Variants in LYPD6 observed in about 807,000 individuals in gnomAD.
LYPD6 encodes LY6/PLAUR domain containing 6.
LYPD6 carries 15 observed loss-of-function variants against 22.7 expected under a neutral mutation model. The ratio of observed to expected loss-of-function variants is 0.66; its 90% CI spans 0.44 to 1.02. The LOEUF is 1.02. Among genes scored for constraint, LYPD6 ranks in the 50% least tolerant of loss-of-function variants. LYPD6 has a pLI of 0.00. For missense variants in LYPD6, 189 were observed against 208.4 expected (o/e 0.91, Z 0.57); for synonymous variants, 72 against 77.5 (o/e 0.93, Z 0.37).
chr2:149,442,151 A>T (rs974028639), intron 2 of LYPD6, among the ~76,000 whole-genome samples: 1 of 152,234 alleles, frequency 6.6e-6, no homozygotes, highest in Non-Finnish European at 1.5e-5. Flanking sequence ...TAGAATTTTT[A>T]TATATGCATC....
intron 1 of LYPD6, among the ~76,000 whole-genome samples, chr2:149,357,468 C>A (rs1471621739): frequency 6.6e-6 from 1 of 152,080 alleles, no homozygotes; most frequent in Non-Finnish European, 1.5e-5. Flanking sequence ...GATCATATTC[C>A]CTGAGAGCTG....
intron 1 of LYPD6, among the ~76,000 whole-genome samples, chr2:149,413,473 C>T (rs1316101590): frequency 6.6e-6 from 1 of 152,222 alleles, no homozygotes; most frequent in Non-Finnish European, 1.5e-5. Flanking sequence ...ACTTACCACA[C>T]TACAGTTTAT....
intron 1 of LYPD6, among the ~76,000 whole-genome samples, chr2:149,427,951 A>G (rs76763010): frequency 0.013 from 1,922 of 152,368 alleles, 9 homozygotes; most frequent in Middle Eastern, 0.02. Flanking sequence ...GCTTTTCCCT[A>G]TAACTCTAGC....
chr2:149,384,397 T>C (rs560935164), intron 1 of LYPD6, among the ~76,000 whole-genome samples: 1 of 152,270 alleles, frequency 6.6e-6, no homozygotes, highest in South Asian at 2.1e-4. Context: ...TCTGTGTTTG[T>C]TGGTTGTGGG....
rs867845533 is a variant in LYPD6 at position 149,403,319 on chromosome 2, A to G, written c.-71-34319A>G. Among the ~76,000 whole-genome samples the G allele has an allele frequency of 4.9e-3, 737 of 150,512 alleles. 6 individuals carry two copies. Among genetic ancestry groups the G allele is most frequent in the African/African-American group, 0.017 (685 of 40,932 alleles). The stretch of plus-strand genomic sequence containing the variant: ...AGGAATCGCCACACTGACTTCCACA[A>G]TGGTTGAACTAGTTTACAGTCCCAC... On this transcript the variant is annotated intron_variant, in intron 1 of 4. Transcript: ENST00000334166.
intron 2 of LYPD6, chr2:149,440,055 A>G (rs1683525544): frequency 6.5e-6 from 1 of 152,836 alleles, no homozygotes; most frequent in Non-Finnish European, 1.5e-5. Context: ...CTTTACAAAA[A>G]TAATGTCTAC....
chr2:149,371,913 A>T (rs1261854089), intron 1 of LYPD6, among the ~76,000 whole-genome samples: 6 of 152,220 alleles, frequency 3.9e-5, no homozygotes, highest in African/African-American at 1.4e-4. Context: ...TGGACCATCG[A>T]GGGAGCAAAA....
chr2:149,420,668 G>A (rs772619451), intron 1 of LYPD6, among the ~76,000 whole-genome samples: 5 of 152,130 alleles, frequency 3.3e-5, no homozygotes, highest in African/African-American at 4.8e-5. Flanking sequence ...CAGGAAAGAT[G>A]CCATGGTAGT....
intron 1 of LYPD6, among the ~76,000 whole-genome samples, chr2:149,334,756 AT>A (rs34573058): frequency 0.15 from 22,190 of 143,304 alleles, 1,684 homozygotes; most frequent in Non-Finnish European, 0.18. Context: ...GCAAGTAACG[AT>A]TTTTTTTTTT....
At chr2:149,483,709 A>G in the LYPD6 span, among the ~76,000 whole-genome samples, 1 of 152,240 alleles carries the variant, frequency 6.6e-6, no homozygotes, top group African/African-American at 2.4e-5. Flanking sequence ...ATCATTCACA[A>G]TGTAAGCATA....
rs1354223787 is a variant in LYPD6, at chr2:149,384,981, C to T, written c.-71-52657C>T. 4.0e-5 allele frequency among the ~76,000 whole-genome samples: 6 copies of T among 148,204 alleles called. 1 individual carries two copies. Among genetic ancestry groups the T allele is most frequent in the Non-Finnish European group, 7.4e-5 (5 of 67,536 alleles). On this transcript the variant is annotated intron_variant, in intron 1 of 4. Transcript: ENST00000334166. ...ACCTGTGAGTGAGAACATGTGGTGT[C>T]TGGTTTTTTGTCCTTGCGATAGTTT...
At position 149,437,798 on chromosome 2, in the gene LYPD6, G is replaced by A. The variant is rs115923750; in HGVS notation, c.90G>A (p.Val30=). The change falls in exon 2 of 5, where the codon GTG becomes GTA. Residue 30 remains valine (V), a synonymous_variant. Coordinates refer to ENST00000334166, the MANE Select transcript of LYPD6 (RefSeq NM_194317.5). ...CTGCTCAGTCCCGAGACTTCACAGT[G>A]AAAGACATTATCTACCTCCATCCTT... ...LKAAQSRDFT[V]KDIIYLHPST... 1.8e-3 allele frequency: 2,836 copies of A among 1,614,132 alleles called. 51 individuals carry two copies. In the African/African-American group the frequency reaches 0.033, roughly 19 times the overall value.
Position 149,449,359 on chromosome 2 carries a change from A to G in LYPD6, c.217+212A>G, listed in dbSNP as rs1254477949. Among the ~76,000 whole-genome samples the G allele has an allele frequency of 1.3e-5, 2 of 152,134 alleles. 1 individual carries two copies. The highest frequency in any genetic ancestry group is 2.9e-5 in the Non-Finnish European group (2 of 68,026). ...AGGATTGTTTCCTTTCTCATGAAGT[A>G]TTTTTGGCACTCCACAGGAGGTGAT... On this transcript the variant is annotated intron_variant, in intron 3 of 4. Transcript: ENST00000334166.
At position 149,338,048 on chromosome 2, in the gene LYPD6, G is replaced by C. The variant is rs112163889; in HGVS notation, c.-72+7326G>C. On this transcript the variant is annotated intron_variant, in intron 1 of 4. Coordinates refer to ENST00000334166, the MANE Select transcript of LYPD6 (RefSeq NM_194317.5). ...TTTACTGTTGATGAGCATTTAGGTT[G>C]ATTCCATGTATTTGCATTTAGGTTG... 5.7e-3 allele frequency among the ~76,000 whole-genome samples: 810 copies of C among 142,498 alleles called. 7 individuals carry two copies. Among genetic ancestry groups the C allele is most frequent in the African/African-American group, 0.019 (768 of 40,966 alleles). The allele number at this position is 142,498 out of a possible 152,430, so 93.5% of individuals were successfully genotyped here. A position where few individuals can be genotyped will look rare whatever the true frequency, so the allele number is the denominator to read the frequency against.
At chr2:149,413,273 G>A (rs893253125) in intron 1 of LYPD6, among the ~76,000 whole-genome samples, 1 of 152,108 alleles carries the variant, frequency 6.6e-6, no homozygotes, top group Non-Finnish European at 1.5e-5. Flanking sequence ...CTAAGATGGG[G>A]GAAAGAGGAG....
chr2:149,333,322 A>G (rs563304602), intron 1 of LYPD6, among the ~76,000 whole-genome samples: 4 of 152,330 alleles, frequency 2.6e-5, no homozygotes, highest in South Asian at 2.1e-4. Context: ...ATCATCTGCA[A>G]ATCTTTTCTT....
At chr2:149,482,129 CTACT>C in the LYPD6 span, among the ~76,000 whole-genome samples, 8 of 152,104 alleles carry the variant, frequency 5.3e-5, no homozygotes, top group African/African-American at 1.9e-4. Flanking sequence ...TCTTTTAAAA[CTACT>C]TACTTTAAAA....
intron 1 of LYPD6, among the ~76,000 whole-genome samples, chr2:149,337,249 A>G (rs994332454): frequency 6.6e-6 from 1 of 152,184 alleles, no homozygotes; most frequent in African/African-American, 2.4e-5. Context: ...TGATAGGATT[A>G]AAAACTCTGA....
rs1681704389 is a variant in LYPD6, at chr2:149,367,619, T to C, written c.-72+36897T>C. 3 of 152,308 alleles carry C rather than the reference T, an allele frequency of 2.0e-5. No individual in the cohort carries two copies. In the South Asian group the frequency reaches 6.2e-4, roughly 32 times the overall value. 9.4% of individuals were successfully genotyped at this position (152,308 alleles called of 1,614,324 possible). A position where few individuals can be genotyped will look rare whatever the true frequency, so the allele number is the denominator to read the frequency against. ...GATTCTTTGAGGGAAGAGACCTTTT[T>C]TTCGTAGTTAAAATATTTACAAAAC... On this transcript the variant is annotated intron_variant, in intron 1 of 4. Transcript: ENST00000334166.
Sources: allele counts gnomAD v4.1 joint callset (sites outside exome capture counted in the v4.1 genomes callset), GRCh38; gene constraint gnomAD v4.1.1; transcripts MANE v1.5; gene names NCBI Gene and HGNC (gene_info 2026-07-23, HGNC 2026-07-21).